The following NDST3 variants were observed in gnomAD, a reference collection of about 807,000 sequenced individuals.
The protein encoded by NDST3 is bifunctional heparan sulfate N-deacetylase/N-sulfotransferase 3.
A neutral mutation model predicts 96.1 loss-of-function variants in NDST3; 58 were observed. That is an observed-to-expected ratio of 0.60 (90% CI 0.49 to 0.75). The LOEUF is 0.75. Ranked by LOEUF, NDST3 falls within the 30% of genes least tolerant of loss-of-function variation. NDST3 has a pLI of 0.00. For synonymous variants in NDST3, 333 were observed against 359.7 expected, an observed-to-expected ratio of 0.93 and a Z score of 0.84; for missense variants, 788 against 1,034.2, an observed-to-expected ratio of 0.76 and a Z score of 3.27.
chr4:118,241,183 TATACCTGTG>T (rs1740982505), intron 11 of NDST3, among the ~76,000 whole-genome samples: 1 of 151,700 alleles, frequency 6.6e-6, no homozygotes, highest in African/African-American at 2.4e-5. Flanking sequence ...AGACATGGTA[TATACCTGTG>T]AGTCTAGAGC....
At chr4:118,184,011 C>T (rs1425906160) in intron 6 of NDST3, among the ~76,000 whole-genome samples, 1 of 152,200 alleles carries the variant, frequency 6.6e-6, no homozygotes, top group African/African-American at 2.4e-5. Flanking sequence ...GCTCAGGCCA[C>T]CCCTCACTCA....
At chr4:118,203,162 C>T (rs1738206471) in intron 6 of NDST3, among the ~76,000 whole-genome samples, 1 of 152,166 alleles carries the variant, frequency 6.6e-6, no homozygotes, top group African/African-American at 2.4e-5. Flanking sequence ...AGGAATAAAG[C>T]TTACTTGATC....
intron 5 of NDST3, among the ~76,000 whole-genome samples, chr4:118,139,421 G>A (rs1238348665): frequency 2.6e-5 from 4 of 152,182 alleles, no homozygotes; most frequent in Non-Finnish European, 5.9e-5. Context: ...AGCAATCTGT[G>A]GAAACCTATA....
intron 6 of NDST3, among the ~76,000 whole-genome samples, chr4:118,148,453 GTCTC>G (rs1272249971): frequency 1.3e-5 from 2 of 151,974 alleles, no homozygotes; most frequent in Non-Finnish European, 2.9e-5. Flanking sequence ...AATGCTTTTT[GTCTC>G]TCTGTTTCTC....
intron 2 of NDST3, among the ~76,000 whole-genome samples, chr4:118,088,442 C>T (rs1034136114): frequency 1.3e-5 from 2 of 151,974 alleles, no homozygotes; most frequent in African/African-American, 4.8e-5. Flanking sequence ...CAACCAAATG[C>T]ACTTTGTTTT....
At chr4:118,081,315 T>C (rs1036632012) in intron 2 of NDST3, among the ~76,000 whole-genome samples, 7 of 152,208 alleles carry the variant, frequency 4.6e-5, no homozygotes, top group African/African-American at 1.7e-4. Context: ...GCAAGGTTTT[T>C]GCACTTATGA....
chr4:118,230,478 G>A (rs981303791), intron 8 of NDST3, among the ~76,000 whole-genome samples: 1 of 152,098 alleles, frequency 6.6e-6, no homozygotes, highest in Admixed American at 6.5e-5. Flanking sequence ...AAGAGGCTGA[G>A]GAAGGAGAAT....
intron 6 of NDST3, among the ~76,000 whole-genome samples, chr4:118,209,492 C>T (rs1194589102): frequency 6.6e-6 from 1 of 152,130 alleles, no homozygotes; most frequent in African/African-American, 2.4e-5. Flanking sequence ...AATATTTGTT[C>T]AGCAGCTAAA....
intron 10 of NDST3, among the ~76,000 whole-genome samples, chr4:118,238,552 C>T (rs1178974061): frequency 1.3e-5 from 2 of 151,996 alleles, no homozygotes; most frequent in African/African-American, 4.8e-5. Flanking sequence ...TCTCTAGGAC[C>T]CTTAGTTCTC....
intron 12 of NDST3, among the ~76,000 whole-genome samples, chr4:118,246,467 A>G (rs966476428): frequency 4.6e-5 from 7 of 152,140 alleles, no homozygotes; most frequent in African/African-American, 1.7e-4. Context: ...TTAGTTGGGC[A>G]TGGTGGCAGG....
upstream of NDST3, among the ~76,000 whole-genome samples, chr4:118,034,118 C>A (rs1325930471): frequency 6.6e-6 from 1 of 152,146 alleles, no homozygotes; most frequent in African/African-American, 2.4e-5. Flanking sequence ...AAGAAAAAAA[C>A]AAACAGCCTC....
At position 118,207,352 on chromosome 4, in the gene NDST3, T is replaced by G. The variant is rs1738502148; in HGVS notation, c.1540-17139T>G. Among the ~76,000 whole-genome samples, 2 of 144,926 alleles carry G rather than the reference T, an allele frequency of 1.4e-5. 1 individual carries two copies. The highest frequency in any genetic ancestry group is 3.1e-5 in the Non-Finnish European group (2 of 65,352). On this transcript the variant is annotated intron_variant, in intron 6 of 13. Coordinates refer to ENST00000296499, the MANE Select transcript of NDST3 (RefSeq NM_004784.3). ...ATATGGACTTAGAAGAACAGAAATT[T>G]GTAGAAAGCCTAGTATTGAATAGTA...
intron 4 of NDST3, among the ~76,000 whole-genome samples, chr4:118,116,659 C>T (rs568438288): frequency 1.3e-4 from 20 of 152,210 alleles, no homozygotes; most frequent in Admixed American, 1.1e-3. Flanking sequence ...AGATCGAGAC[C>T]ATCCTGGCTA....
Position 118,114,792 on chromosome 4 carries a change from T to TA in NDST3, c.1070-14_1070-13insA, listed in dbSNP as rs745946090. 6.7e-7 allele frequency: 1 copy of TA among 1,499,392 alleles called. No homozygotes were observed. The highest frequency in any genetic ancestry group is 9.0e-7 in the Non-Finnish European group (1 of 1,116,974). The allele number at this position is 1,499,392 out of a possible 1,614,324, so 92.9% of individuals were successfully genotyped here. ...GTAACTGGAATTAATTGGATAATAT[T>TA]TCCCCCCCTAAAGGAACTGAAGAGG... On this transcript the variant is annotated splice_polypyrimidine_tract_variant and intron_variant, in intron 3 of 13. Coordinates refer to ENST00000296499, the MANE Select transcript of NDST3 (RefSeq NM_004784.3).
At chr4:118,170,052 T>C (rs1735830718) in intron 6 of NDST3, among the ~76,000 whole-genome samples, 1 of 152,140 alleles carries the variant, frequency 6.6e-6, no homozygotes, top group African/African-American at 2.4e-5. Context: ...AGAAGCAGAA[T>C]TGCCTTGGAT....
intron 6 of NDST3, among the ~76,000 whole-genome samples, chr4:118,184,606 C>CT (rs1302283391): frequency 0.019 from 2,457 of 130,816 alleles, 60 homozygotes; most frequent in African/African-American, 0.077. Flanking sequence ...TCTCTCTACA[C>CT]ACACACACAC....
intron 4 of NDST3, among the ~76,000 whole-genome samples, chr4:118,118,468 CCTG>C (rs1203207765): frequency 6.6e-6 from 1 of 152,132 alleles, no homozygotes; most frequent in Non-Finnish European, 1.5e-5. Flanking sequence ...CAGCCACATA[CCTG>C]CTATTTTCAT....
In NDST3 at chr4:118,255,742, C is replaced by T; in HGVS notation, c.*30C>T. Reference sequence around the variant, plus strand: ...GAGAGAAAACTTGAGACTTCATCGTCCATGTAGAACACACCTTTTCCAAAG... The same window carrying T: ...GAGAGAAAACTTGAGACTTCATCGTTCATGTAGAACACACCTTTTCCAAAG... On this transcript the variant is annotated 3_prime_UTR_variant, in exon 14 of 14. Transcript: ENST00000296499. 1 of 1,561,738 alleles carries T rather than the reference C, an allele frequency of 6.4e-7. No individual in the cohort carries two copies. The highest frequency in any genetic ancestry group is 1.4e-5 in the African/African-American group (1 of 73,060).
At chr4:118,079,507 C>T (rs28627299) in intron 2 of NDST3, among the ~76,000 whole-genome samples, 5,981 of 151,972 alleles carry the variant, frequency 0.039, 415 homozygotes, top group African/African-American at 0.14. Context: ...CTGGTGTAAT[C>T]GAGAGAGAGA....
Sources: gnomAD v4.1 joint callset for allele counts (sites outside exome capture counted in the v4.1 genomes callset) on GRCh38, gnomAD v4.1.1 for gene constraint, MANE v1.5 for transcripts, NCBI Gene and HGNC (gene_info 2026-07-23, HGNC 2026-07-21) for gene names.